MAN1A2: variants seen among roughly 807,000 people sequenced by gnomAD.
The protein encoded by MAN1A2 is mannosyl-oligosaccharide 1,2-alpha-mannosidase IB.
MAN1A2 carries 26 observed loss-of-function variants against 75.7 expected under a neutral mutation model. The observed-to-expected ratio is 0.34, with a 90% confidence interval of 0.25 to 0.48. The LOEUF (loss-of-function observed/expected upper bound fraction) is 0.48, where lower values mean the gene tolerates loss of function less well. Among genes scored for constraint, MAN1A2 ranks in the 20% least tolerant of loss-of-function variants. The probability of loss-of-function intolerance (pLI) is 0.99; values close to 1 mark genes in which losing one functional copy is unlikely to be tolerated. For synonymous variants in MAN1A2, 247 were observed against 264.6 expected, an observed-to-expected ratio of 0.93 and a Z score of 0.65; for missense variants, 562 against 775.5, an observed-to-expected ratio of 0.72 and a Z score of 3.27.
chr1:117,467,756 C>T (rs1240680469), intron 8 of MAN1A2, among the ~76,000 whole-genome samples: 1 of 152,012 alleles, frequency 6.6e-6, no homozygotes, highest in East Asian at 1.9e-4. Context: ...TTCTATCAAT[C>T]ATAAATCTTT....
Position 117,396,406 on chromosome 1 carries a change from G to T in MAN1A2, c.303-5780G>T, listed in dbSNP as rs186240392. ...GGAAGATACAAGACACTGATGAAAA[G>T]GAATGATCTTTACAAATGAAAGTCT... On this transcript the variant is annotated intron_variant, in intron 1 of 12. Coordinates refer to ENST00000356554, the MANE Select transcript of MAN1A2 (RefSeq NM_006699.5). 3.3e-5 allele frequency among the ~76,000 whole-genome samples: 5 copies of T among 152,230 alleles called. No homozygotes were observed. In the East Asian group the frequency reaches 9.6e-4, roughly 29 times the overall value.
At chr1:117,374,866 TAAAGG>T (rs1481480404) in intron 1 of MAN1A2, among the ~76,000 whole-genome samples, 2 of 152,222 alleles carry the variant, frequency 1.3e-5, no homozygotes, top group Non-Finnish European at 2.9e-5. Context: ...AAATGTATTC[TAAAGG>T]AATTAGTGTC....
rs372849389 is a variant in MAN1A2, at chr1:117,380,294, C to T, written c.302+11809C>T. Among the ~76,000 whole-genome samples, 27 of 152,210 alleles carry T rather than the reference C, an allele frequency of 1.8e-4. No individual in the cohort carries two copies. In the South Asian group the frequency reaches 2.7e-3, roughly 15 times the overall value. ...CAGACCATTTGCATTTTTGAAGGAA[C>T]GTCTATCCAGGCTTTGTCCATCTTT... On this transcript the variant is annotated intron_variant, in intron 1 of 12. Transcript: ENST00000356554.
At chr1:117,518,406 G>A (rs915345791) in intron 12 of MAN1A2, among the ~76,000 whole-genome samples, 2 of 151,904 alleles carry the variant, frequency 1.3e-5, no homozygotes, top group African/African-American at 4.8e-5. Context: ...TTTAAATGGT[G>A]TATGTTTTCT....
At chr1:117,438,492 T>G (rs749526524) in intron 5 of MAN1A2, among the ~76,000 whole-genome samples, 9 of 152,216 alleles carry the variant, frequency 5.9e-5, no homozygotes, top group Non-Finnish European at 1.3e-4. Context: ...TAGTGTAGCC[T>G]AAGTGTACAG....
intron 1 of MAN1A2, among the ~76,000 whole-genome samples, chr1:117,390,291 A>G (rs937666903): frequency 1.8e-4 from 27 of 151,618 alleles, no homozygotes; most frequent in African/African-American, 6.3e-4. Context: ...GGTTTTAACT[A>G]TACATTCAGT....
At chr1:117,465,862 T>C (rs74115907) in intron 7 of MAN1A2, among the ~76,000 whole-genome samples, 21,486 of 152,170 alleles carry the variant, frequency 0.14, 1,740 homozygotes, top group South Asian at 0.22. Flanking sequence ...ATATTTAAAG[T>C]TCAACAGTTT....
intron 10 of MAN1A2, among the ~76,000 whole-genome samples, chr1:117,499,078 G>C (rs1195808589): frequency 6.6e-6 from 1 of 151,772 alleles, no homozygotes. Context: ...CAAATGTCTA[G>C]TTTGCATTTG....
intron 6 of MAN1A2, among the ~76,000 whole-genome samples, chr1:117,443,960 A>G (rs1330849882): frequency 2.0e-5 from 3 of 151,844 alleles, no homozygotes; most frequent in African/African-American, 4.8e-5. Context: ...TTTCCCACAC[A>G]TAGGCCTTCC....
At chr1:117,498,779 T>G (rs78459243) in intron 10 of MAN1A2, among the ~76,000 whole-genome samples, 1,639 of 152,020 alleles carry the variant, frequency 0.011, 22 homozygotes, top group South Asian at 0.026. Flanking sequence ...TTGCTAACTT[T>G]CCAGCAGGTT....
chr1:117,527,995 T>C lies in MAN1A2; in HGVS notation c.*5038T>C, dbSNP rs747378109. The C allele has an allele frequency of 1.3e-5, 2 of 152,052 alleles. No homozygotes were observed. Among genetic ancestry groups the C allele is most frequent in the African/African-American group, 4.8e-5 (2 of 41,430 alleles). The allele number at this position is 152,052 out of a possible 1,614,324, so 9.4% of individuals were successfully genotyped here. Reference sequence around the variant, plus strand: ...GTCTGAGGAGTGCAGAGAAAAGATATATCCAAAAGGAGAATCCCTTTCTCT... The same window carrying C: ...GTCTGAGGAGTGCAGAGAAAAGATACATCCAAAAGGAGAATCCCTTTCTCT... On this transcript the variant is annotated 3_prime_UTR_variant, in exon 13 of 13. Coordinates refer to ENST00000356554, the MANE Select transcript of MAN1A2 (RefSeq NM_006699.5).
intron 8 of MAN1A2, among the ~76,000 whole-genome samples, chr1:117,478,813 A>G (rs1436405899): frequency 6.6e-6 from 1 of 152,002 alleles, no homozygotes; most frequent in African/African-American, 2.4e-5. Context: ...TGATGAGTGT[A>G]GATTTATTAT....
Position 117,525,070 on chromosome 1 carries a change from G to T in MAN1A2, c.*2113G>T, listed in dbSNP as rs761970606. ...TATTTAGAAGAATGCAGAGTAAAGGGACCTTCTTGGTTCTGCAGGAACTTC... is the reference window on the plus strand; with the variant it reads ...TATTTAGAAGAATGCAGAGTAAAGGTACCTTCTTGGTTCTGCAGGAACTTC... On this transcript the variant is annotated 3_prime_UTR_variant, in exon 13 of 13. Transcript: ENST00000356554. 3.9e-6 allele frequency: 2 copies of T among 519,460 alleles called. No homozygotes were observed. Among genetic ancestry groups the T allele is most frequent in the Admixed American group, 4.0e-5 (2 of 49,734 alleles). The allele number at this position is 519,460 out of a possible 1,614,324, so 32.2% of individuals were successfully genotyped here.
chr1:117,525,091 A>G lies in MAN1A2; in HGVS notation c.*2134A>G, dbSNP rs542670649. Reference sequence around the variant, plus strand: ...AAGGGACCTTCTTGGTTCTGCAGGAACTTCTCAAGGGATGAGGAGACAGAA... The same window carrying G: ...AAGGGACCTTCTTGGTTCTGCAGGAGCTTCTCAAGGGATGAGGAGACAGAA... On this transcript the variant is annotated 3_prime_UTR_variant, in exon 13 of 13. Coordinates refer to ENST00000356554, the MANE Select transcript of MAN1A2 (RefSeq NM_006699.5). 49 of 527,358 alleles carry G rather than the reference A, an allele frequency of 9.3e-5. 1 individual carries two copies. Among genetic ancestry groups the G allele is most frequent in the South Asian group, 6.9e-4 (48 of 69,820 alleles). 32.7% of individuals were successfully genotyped at this position (527,358 alleles called of 1,614,324 possible). A position where few individuals can be genotyped will look rare whatever the true frequency, so the allele number is the denominator to read the frequency against.
At chr1:117,466,799 G>T (rs796328017) in intron 8 of MAN1A2, among the ~76,000 whole-genome samples, 3 of 152,040 alleles carry the variant, frequency 2.0e-5, no homozygotes, top group Admixed American at 6.6e-5. Context: ...TTACTAGAAG[G>T]GGGGCAGTTG....
chr1:117,397,772 C>T (rs557278742), intron 1 of MAN1A2, among the ~76,000 whole-genome samples: 4 of 151,620 alleles, frequency 2.6e-5, no homozygotes, highest in South Asian at 4.2e-4. Flanking sequence ...CTGCCTCAGC[C>T]TCCTGAGTAG....
chr1:117,490,904 C>T (rs567072890), intron 8 of MAN1A2, among the ~76,000 whole-genome samples: 23 of 152,130 alleles, frequency 1.5e-4, no homozygotes, highest in African/African-American at 4.3e-4. Flanking sequence ...TTCCCTGAAG[C>T]CAAAGCATCA....
At chr1:117,377,045 C>T (rs1489468193) in intron 1 of MAN1A2, among the ~76,000 whole-genome samples, 6 of 152,138 alleles carry the variant, frequency 3.9e-5, no homozygotes, top group Non-Finnish European at 5.9e-5. Flanking sequence ...TATCAAGGAA[C>T]AACTGTGTTT....
Position 117,367,458 on chromosome 1 carries a change from C to CG in MAN1A2, c.-724dup, listed in dbSNP as rs1405480478. The stretch of plus-strand genomic sequence containing the variant: ...AGTTCCGCTCCCTGACAGACCCGTG[C>CG]GGTAGCAACAGCGGCGGCGGCCGCG... On this transcript the variant is annotated 5_prime_UTR_variant, in exon 1 of 13. Coordinates refer to ENST00000356554, the MANE Select transcript of MAN1A2 (RefSeq NM_006699.5). The CG allele has an allele frequency of 6.5e-6, 1 of 154,032 alleles. No individual in the cohort carries two copies. The highest frequency in any genetic ancestry group is 2.4e-5 in the African/African-American group (1 of 41,426). The allele number at this position is 154,032 out of a possible 1,614,324, so 9.5% of individuals were successfully genotyped here. A position where few individuals can be genotyped will look rare whatever the true frequency, so the allele number is the denominator to read the frequency against.
Sources: gnomAD v4.1 joint callset for allele counts (sites outside exome capture counted in the v4.1 genomes callset) on GRCh38, gnomAD v4.1.1 for gene constraint, MANE v1.5 for transcripts, NCBI Gene and HGNC (gene_info 2026-07-23, HGNC 2026-07-21) for gene names.